PBX3: variants seen among roughly 807,000 people sequenced by gnomAD.
PBX3 encodes PBX homeobox 3.
PBX3 carries 14 observed loss-of-function variants against 48.5 expected under a neutral mutation model. The ratio of observed to expected loss-of-function variants is 0.29; its 90% confidence interval spans 0.19 to 0.45. The LOEUF (loss-of-function observed/expected upper bound fraction) is 0.45, where lower values mean the gene tolerates loss of function less well. Among genes scored for constraint, PBX3 ranks in the 20% least tolerant of loss-of-function variants. The pLI is 1.00. For synonymous variants in PBX3, 210 were observed against 200.3 expected (o/e 1.05, Z -0.41); for missense variants, 386 against 546.7 (o/e 0.71, Z 2.93).
At chr9:125,868,180 T>G (rs1588239272) in intron 2 of PBX3, among the ~76,000 whole-genome samples, 1 of 117,586 alleles carries the variant, frequency 8.5e-6, no homozygotes, top group African/African-American at 4.0e-5. Context: ...CAGACTGCAG[T>G]TTTTTTTTTT....
intron 2 of PBX3, among the ~76,000 whole-genome samples, chr9:125,880,165 C>T (rs1481487174): frequency 1.3e-5 from 2 of 152,186 alleles, no homozygotes; most frequent in African/African-American, 4.8e-5. Context: ...CTGCCTCAGC[C>T]TCTTGAGTAG....
At chr9:125,857,945 A>G (rs9299304) in intron 2 of PBX3, among the ~76,000 whole-genome samples, 145,262 of 152,338 alleles carry the variant, frequency 0.95, 69,340 homozygotes, top group East Asian at 1. Flanking sequence ...TTTTAAAAAG[A>G]TGTAGTCAAT....
intron 2 of PBX3, among the ~76,000 whole-genome samples, chr9:125,781,491 G>C (rs897136267): frequency 6.7e-6 from 1 of 149,278 alleles, no homozygotes; most frequent in African/African-American, 2.5e-5. Context: ...CTTCGGCTAG[G>C]CATCAGAGGG....
intron 2 of PBX3, among the ~76,000 whole-genome samples, chr9:125,784,401 T>C (rs1160058119): frequency 1.3e-5 from 2 of 152,174 alleles, no homozygotes; most frequent in African/African-American, 4.8e-5. Flanking sequence ...AGTGCTGGGA[T>C]TAGAGCTGTG....
intron 2 of PBX3, among the ~76,000 whole-genome samples, chr9:125,873,095 G>A (rs1312460481): frequency 2.0e-5 from 3 of 152,022 alleles, no homozygotes; most frequent in Non-Finnish European, 2.9e-5. Flanking sequence ...CAGCTACTCA[G>A]CAGGCTGAGG....
Position 125,747,473 on chromosome 9 carries a change from T to C in PBX3, c.20T>C (p.Met7Thr). 10 of 1,571,212 alleles carry C rather than the reference T, an allele frequency of 6.4e-6. No homozygotes were observed. Among genetic ancestry groups the C allele is most frequent in the Non-Finnish European group, 8.6e-6 (10 of 1,160,758 alleles). Residue 7 changes from methionine to threonine, a missense_variant, in exon 1 of 9, where the codon ATG becomes ACG. Coordinates refer to ENST00000373489, the MANE Select transcript of PBX3 (RefSeq NM_006195.6). ...GGCGGGATGGACGATCAATCCAGGA[T>C]GCTGCAGACTCTGGCCGGGGTGAAC... is the stretch of plus-strand genomic sequence containing the variant. MDDQSRMLQTLAGVNLA... is the reference protein window; with the variant it reads MDDQSRTLQTLAGVNLA...
At chr9:125,803,157 G>C (rs923822844) in intron 2 of PBX3, among the ~76,000 whole-genome samples, 3 of 144,408 alleles carry the variant, frequency 2.1e-5, no homozygotes, top group African/African-American at 7.8e-5. Context: ...GCAGTGGTGC[G>C]ATCTCCCCTC....
intron 2 of PBX3, among the ~76,000 whole-genome samples, chr9:125,880,078 T>C (rs927321685): frequency 3.9e-5 from 6 of 152,236 alleles, no homozygotes; most frequent in African/African-American, 1.4e-4. Flanking sequence ...AGAGTCTCAC[T>C]CTGTTGCCCA....
At chr9:125,792,042 ACACG>A (rs34328835) in intron 2 of PBX3, among the ~76,000 whole-genome samples, 78,227 of 142,800 alleles carry the variant, frequency 0.55, 21,785 homozygotes, top group South Asian at 0.65. Context: ...CTACACACAC[ACACG>A]CACGCACGCA....
intron 2 of PBX3, among the ~76,000 whole-genome samples, chr9:125,781,535 A>AGGGAGAGGGGAGAG (rs1169626264): frequency 1.4e-5 from 1 of 70,768 alleles, no homozygotes; most frequent in Non-Finnish European, 2.7e-5. Flanking sequence ...GGTGACCGAG[A>AGGGAGAGGGGAGAG]GGGAGAGGGG....
At chr9:125,965,486 G>GGCATC (rs1427474893) in intron 8 of PBX3, among the ~76,000 whole-genome samples, 1 of 152,182 alleles carries the variant, frequency 6.6e-6, no homozygotes, top group Non-Finnish European at 1.5e-5. Context: ...GTTTCGCTGA[G>GGCATC]GCATTGCATT....
intron 3 of PBX3, among the ~76,000 whole-genome samples, chr9:125,928,422 GTT>G (rs140323051): frequency 0.059 from 8,399 of 142,406 alleles, 718 homozygotes; most frequent in African/African-American, 0.2. Context: ...GTGTGTGTGT[GTT>G]TTTGTGTATG....
chr9:125,951,682 A>G (rs1014343293), intron 5 of PBX3, among the ~76,000 whole-genome samples: 20 of 152,342 alleles, frequency 1.3e-4, no homozygotes, highest in African/African-American at 4.1e-4. Flanking sequence ...TGAGAAGGAG[A>G]TATCATTATC....
rs189076431 is a variant in PBX3 at position 125,843,803 on chromosome 9, G to C, written c.275-71883G>C. On this transcript the variant is annotated intron_variant, in intron 2 of 8. Coordinates refer to ENST00000373489, the MANE Select transcript of PBX3 (RefSeq NM_006195.6). ...GAAATGATGCTGAGAGAACGTCTGGGAGATGAGAGGTACAGAATTACAAGC... is the reference window on the plus strand; with the variant it reads ...GAAATGATGCTGAGAGAACGTCTGGCAGATGAGAGGTACAGAATTACAAGC... 19 of 455,920 alleles carry C rather than the reference G, an allele frequency of 4.2e-5. No individual in the cohort carries two copies. The East Asian group carries it at 1.2e-3, about 28-fold the overall frequency. The allele number at this position is 455,920 out of a possible 1,614,324, so 28.2% of individuals were successfully genotyped here. A position where few individuals can be genotyped will look rare whatever the true frequency, so the allele number is the denominator to read the frequency against.
rs562055129 is a variant in PBX3 at position 125,870,513 on chromosome 9, T to C, written c.275-45173T>C. Among the ~76,000 whole-genome samples the C allele has an allele frequency of 2.6e-5, 4 of 152,214 alleles. No homozygotes were observed. In the East Asian group the frequency reaches 7.7e-4, roughly 29 times the overall value. On this transcript the variant is annotated intron_variant, in intron 2 of 8. Coordinates refer to ENST00000373489, the MANE Select transcript of PBX3 (RefSeq NM_006195.6). Reference sequence around the variant, plus strand: ...AAACAAACAAAAAAACCCCATCACATCTCATGAGACTTATTTACTATCATG... The same window carrying C: ...AAACAAACAAAAAAACCCCATCACACCTCATGAGACTTATTTACTATCATG...
chr9:125,754,199 CATT>C (rs1353381800), intron 2 of PBX3, among the ~76,000 whole-genome samples: 1 of 152,082 alleles, frequency 6.6e-6, no homozygotes, highest in Non-Finnish European at 1.5e-5. Context: ...TCAATATTGA[CATT>C]ATGAGAATAA....
chr9:125,808,106 G>T (rs1838180466), intron 2 of PBX3, among the ~76,000 whole-genome samples: 1 of 152,172 alleles, frequency 6.6e-6, no homozygotes, highest in African/African-American at 2.4e-5. Flanking sequence ...CAAACTAGGA[G>T]ATTCTGGATG....
At chr9:125,820,227 T>G (rs978933320) in intron 2 of PBX3, among the ~76,000 whole-genome samples, 1 of 152,200 alleles carries the variant, frequency 6.6e-6, no homozygotes, top group African/African-American at 2.4e-5. Context: ...TACTGGATAT[T>G]TAAGGTCTCT....
intron 3 of PBX3, 32 bp from the exon 4 acceptor site, chr9:125,929,623 T>G (rs1257958229): frequency 6.6e-7 from 1 of 1,514,618 alleles, no homozygotes; most frequent in Non-Finnish European, 9.1e-7. Flanking sequence ...GTAGATAGTT[T>G]CCAAAGGAGT....
Sources: gnomAD v4.1 joint callset for allele counts (sites outside exome capture counted in the v4.1 genomes callset) on GRCh38, gnomAD v4.1.1 for gene constraint, MANE v1.5 for transcripts, NCBI Gene and HGNC (gene_info 2026-07-23, HGNC 2026-07-21) for gene names.